RAB11A: variants seen among roughly 807,000 people sequenced by gnomAD.
RAB11A encodes RAB11A, member RAS oncogene family.
RAB11A carries 9 observed loss-of-function variants against 28.0 expected under a neutral mutation model. That is an observed-to-expected ratio of 0.32 (90% CI 0.19 to 0.56). The LOEUF is 0.56. Among genes scored for constraint, RAB11A ranks in the 20% least tolerant of loss-of-function variants. RAB11A has a pLI of 0.91. For missense variants in RAB11A, 108 were observed against 269.6 expected (o/e 0.40, Z 4.20); for synonymous variants, 85 against 88.2 (o/e 0.96, Z 0.20).
chr15:65,878,619 A>C (rs772502159), intron 3 of RAB11A, among the ~76,000 whole-genome samples: 2 of 152,224 alleles, frequency 1.3e-5, no homozygotes, highest in African/African-American at 2.4e-5. Flanking sequence ...CAGAGCTTGC[A>C]GTGAGCCGAG....
Position 65,877,548 on chromosome 15 carries a change from G to A in RAB11A, c.236+21G>A. 1 of 1,596,980 alleles carries A rather than the reference G, an allele frequency of 6.3e-7. No homozygotes were observed. The highest frequency in any genetic ancestry group is 8.5e-7 in the Non-Finnish European group (1 of 1,169,744). ...TCAGCGTAAGTCTCATGGTTTTTAA[G>A]TTCTGTGAAATGGGTTGCCATCGAG... On this transcript the variant is annotated intron_variant, in intron 2 of 4. Coordinates refer to ENST00000261890, the MANE Select transcript of RAB11A (RefSeq NM_004663.5). This position sits in a 1 kb window ranked among gnomAD's most constrained non-coding sequence, Gnocchi z 4.1.
intron 4 of RAB11A, among the ~76,000 whole-genome samples, chr15:65,882,648 G>T (rs2078229721): frequency 1.3e-5 from 2 of 151,998 alleles, no homozygotes. Flanking sequence ...TTGTGTTGTT[G>T]GTTTCAGAAT....
At chr15:65,879,950 T>A (rs902250080) in intron 4 of RAB11A, among the ~76,000 whole-genome samples, 199 bp downstream of exon 4, 1 of 152,222 alleles carries the variant, frequency 6.6e-6, no homozygotes, top group Non-Finnish European at 1.5e-5. Context: ...TTCATCTGAT[T>A]TATAGTGGGA....
chr15:65,870,564 C>G (rs750647534), intron 1 of RAB11A, among the ~76,000 whole-genome samples: 1 of 152,204 alleles, frequency 6.6e-6, no homozygotes, highest in Non-Finnish European at 1.5e-5. Flanking sequence ...CCTTGCCAGA[C>G]CTGAAGGCCT....
chr15:65,891,632 A>T lies in RAB11A; in HGVS notation c.*3792A>T, dbSNP rs1474488771. ...GAACTCTCTCTTCAATTAAAGCCAA[A>T]TTATTAACATTTTAACTCAAGTTTA... is the stretch of plus-strand genomic sequence containing the variant. On this transcript the variant is annotated 3_prime_UTR_variant, in exon 5 of 5. Transcript: ENST00000261890. 1 of 152,220 alleles carries T rather than the reference A, an allele frequency of 6.6e-6. No individual in the cohort carries two copies. Among genetic ancestry groups the T allele is most frequent in the Non-Finnish European group, 1.5e-5 (1 of 68,046 alleles). 9.4% of individuals were successfully genotyped at this position (152,220 alleles called of 1,614,324 possible). A position where few individuals can be genotyped will look rare whatever the true frequency, so the allele number is the denominator to read the frequency against.
Position 65,887,743 on chromosome 15 carries a change from G to A in RAB11A, c.554G>A (p.Arg185His), listed in dbSNP as rs2078263618. Residue 185 changes from arginine (R) to histidine (H), a missense_variant, in exon 5 of 5, where the codon CGC (arginine) becomes CAC (histidine). Transcript: ENST00000261890. Reference sequence around the variant, plus strand: ...TCTCAGAAGCAAATGTCAGACAGACGCGAAAATGACATGTCTCCAAGCAAC... The same window carrying A: ...TCTCAGAAGCAAATGTCAGACAGACACGAAAATGACATGTCTCCAAGCAAC... Reference protein sequence around the residue: ...IVSQKQMSDRRENDMSPSNNV... With the variant: ...IVSQKQMSDRHENDMSPSNNV... The A allele has an allele frequency of 6.2e-7, 1 of 1,613,218 alleles. No homozygotes were observed. The highest frequency in any genetic ancestry group is 8.5e-7 in the Non-Finnish European group (1 of 1,179,594).
At chr15:65,882,200 A>G (rs2078227333) in intron 4 of RAB11A, among the ~76,000 whole-genome samples, 1 of 152,200 alleles carries the variant, frequency 6.6e-6, no homozygotes, top group African/African-American at 2.4e-5. Flanking sequence ...CTGTTTCCTC[A>G]GCTTCCTGCA....
intron 1 of RAB11A, among the ~76,000 whole-genome samples, chr15:65,875,037 C>A (rs976789589): frequency 1.3e-5 from 2 of 151,856 alleles, no homozygotes; most frequent in Admixed American, 1.3e-4. Flanking sequence ...GACAGTGAGA[C>A]CCTGTCTCAA....
At position 65,877,935 on chromosome 15, in the gene RAB11A, A is replaced by G; in HGVS notation, c.410A>G (p.Asp137Gly). ...DLRHLRAVPT[D>G]EARAFAEKNG... Reference sequence around the variant, plus strand: ...CGTCATCTCAGGGCAGTTCCTACAGATGAAGCAAGAGCTTTTGCAGGTTAG... The same window carrying G: ...CGTCATCTCAGGGCAGTTCCTACAGGTGAAGCAAGAGCTTTTGCAGGTTAG... The change falls in exon 3 of 5, where the codon GAT becomes GGT. Residue 137 changes from aspartate (D) to glycine (G), a missense_variant. Transcript: ENST00000261890. This position sits in a 1 kb window ranked among gnomAD's most constrained non-coding sequence, Gnocchi z 4.1. The G allele has an allele frequency of 6.2e-7, 1 of 1,613,614 alleles. No homozygotes were observed. Among genetic ancestry groups the G allele is most frequent in the Non-Finnish European group, 8.5e-7 (1 of 1,179,576 alleles).
intron 3 of RAB11A, among the ~76,000 whole-genome samples, chr15:65,879,312 C>CT (rs1313858796): frequency 2.0e-5 from 3 of 152,102 alleles, no homozygotes; most frequent in Non-Finnish European, 1.5e-5. Context: ...ATGCCCAGCT[C>CT]TCTTGCTATT....
chr15:65,888,017 C>A lies in RAB11A; in HGVS notation c.*177C>A. 1.7e-6 allele frequency: 1 copy of A among 595,942 alleles called. No individual in the cohort carries two copies. The highest frequency in any genetic ancestry group is 2.6e-6 in the Non-Finnish European group (1 of 390,190). The allele number at this position is 595,942 out of a possible 1,614,324, so 36.9% of individuals were successfully genotyped here. Reference sequence around the variant, plus strand: ...AAAATCATCCACTTGTCCCGAATGACTGCAGCTTTTTTTCATGCTATGGCT... The same window carrying A: ...AAAATCATCCACTTGTCCCGAATGAATGCAGCTTTTTTTCATGCTATGGCT... On this transcript the variant is annotated 3_prime_UTR_variant, in exon 5 of 5. Transcript: ENST00000261890.
At position 65,877,275 on chromosome 15, in the gene RAB11A, T is replaced by C; in HGVS notation, c.41-57T>C. ...AAACTTCATTCTGTTGAAAGCATAG[T>C]GGTGTTCTGAATATGTTTGCCTCAT... On this transcript the variant is annotated intron_variant, in intron 1 of 4. Coordinates refer to ENST00000261890, the MANE Select transcript of RAB11A (RefSeq NM_004663.5). This position sits in a 1 kb window ranked among gnomAD's most constrained non-coding sequence, Gnocchi z 4.1. 1 of 1,371,630 alleles carries C rather than the reference T, an allele frequency of 7.3e-7. No individual in the cohort carries two copies. Among genetic ancestry groups the C allele is most frequent in the South Asian group, 1.3e-5 (1 of 76,780 alleles). 85.0% of individuals were successfully genotyped at this position (1,371,630 alleles called of 1,614,324 possible).
At chr15:65,874,283 A>ATGGCGCGATTTCAGCT (rs935805026) in intron 1 of RAB11A, among the ~76,000 whole-genome samples, 1 of 151,196 alleles carries the variant, frequency 6.6e-6, no homozygotes, top group Non-Finnish European at 1.5e-5. Flanking sequence ...CTGGAGTGCA[A>ATGGCGCGATTTCAGCT]TGGCGCGATT....
intron 4 of RAB11A, among the ~76,000 whole-genome samples, chr15:65,886,549 T>C (rs901896516): frequency 1.2e-4 from 19 of 152,300 alleles, no homozygotes; most frequent in African/African-American, 4.6e-4. Flanking sequence ...GAGAGTAGTG[T>C]TTTTGGAGGG....
chr15:65,885,133 G>GTTTT (rs56815495), intron 4 of RAB11A, among the ~76,000 whole-genome samples: 5 of 129,344 alleles, frequency 3.9e-5, no homozygotes, highest in East Asian at 2.3e-4. Flanking sequence ...CATTTATACA[G>GTTTT]TTTTTTTTTT....
chr15:65,875,218 A>G (rs1475438267), intron 1 of RAB11A, among the ~76,000 whole-genome samples: 1 of 152,080 alleles, frequency 6.6e-6, no homozygotes, highest in East Asian at 1.9e-4. Context: ...GACTACAGGC[A>G]TGCACCACCG....
chr15:65,884,660 G>A (rs920056426), intron 4 of RAB11A, among the ~76,000 whole-genome samples: 5 of 151,510 alleles, frequency 3.3e-5, no homozygotes, highest in African/African-American at 1.2e-4. Flanking sequence ...AAGGATGTCT[G>A]CTAATAAAAA....
In RAB11A at chr15:65,889,306, TTTA is replaced by T. The variant is rs1391242235; in HGVS notation, c.*1472_*1474del. 26 of 152,248 alleles carry T rather than the reference TTTA, an allele frequency of 1.7e-4. No homozygotes were observed. The highest frequency in any genetic ancestry group is 6.3e-4 in the African/African-American group (26 of 41,472). The allele number at this position is 152,248 out of a possible 1,614,324, so 9.4% of individuals were successfully genotyped here. A position where few individuals can be genotyped will look rare whatever the true frequency, so the allele number is the denominator to read the frequency against. On this transcript the variant is annotated 3_prime_UTR_variant, in exon 5 of 5. Transcript: ENST00000261890. ...CATTTTGGTTTTCTTCTATAGCCAT[TTTA>T]TTATTTTAGTGTATTAGTTATGAAG...
rs142417324 is a variant in RAB11A, at chr15:65,881,705, G to C, written c.511+1954G>C. Among the ~76,000 whole-genome samples, 571 of 152,092 alleles carry C rather than the reference G, an allele frequency of 3.8e-3. 2 individuals are homozygous for C. The highest frequency in any genetic ancestry group is 6.7e-3 in the Non-Finnish European group (455 of 67,990). ...GTACTTAAAATTGAGCCCTTTAAGA[G>C]CTGGGCATGTTGATGCACGCCTGTA... On this transcript the variant is annotated intron_variant, in intron 4 of 4. Coordinates refer to ENST00000261890, the MANE Select transcript of RAB11A (RefSeq NM_004663.5).
Sources: gnomAD v4.1 joint callset for allele counts (sites outside exome capture counted in the v4.1 genomes callset) on GRCh38, gnomAD v4.1.1 for gene constraint, Gnocchi (gnomAD v3.1) non-coding constraint, MANE v1.5 for transcripts, NCBI Gene and HGNC (gene_info 2026-07-23, HGNC 2026-07-21) for gene names.